ENTHD1: variants seen among roughly 807,000 people sequenced by gnomAD.
The protein encoded by ENTHD1 is ENTH domain containing 1.
A neutral mutation model predicts 39.1 loss-of-function variants in ENTHD1; 23 were observed. That is an observed-to-expected ratio of 0.59 (90% CI 0.42 to 0.83). The LOEUF (loss-of-function observed/expected upper bound fraction) is 0.83, where lower values mean the gene tolerates loss of function less well. ENTHD1 is among the 40% of genes least tolerant of loss of function. The probability of loss-of-function intolerance (pLI) is 0.00; values close to 1 mark genes in which losing one functional copy is unlikely to be tolerated. For missense variants in ENTHD1, 624 were observed against 705.4 expected (o/e 0.88, Z 1.31); for synonymous variants, 230 against 258.2 (o/e 0.89, Z 1.05).
At chr22:39,764,101 C>T (rs2065256483) in intron 6 of ENTHD1, among the ~76,000 whole-genome samples, 1 of 152,132 alleles carries the variant, frequency 6.6e-6, no homozygotes, top group South Asian at 2.1e-4. Context: ...ATTTCTTTAA[C>T]TTCAACATGG....
intron 4 of ENTHD1, 151 bp downstream of exon 4, chr22:39,835,689 C>T (rs2065903092): frequency 2.2e-6 from 1 of 455,222 alleles, no homozygotes; most frequent in Admixed American, 3.6e-5. Flanking sequence ...CTAGGGCCTC[C>T]AGAAAGAACA....
chr22:39,852,143 G>C (rs916987187), intron 3 of ENTHD1, among the ~76,000 whole-genome samples: 1 of 151,828 alleles, frequency 6.6e-6, no homozygotes, highest in African/African-American at 2.4e-5. Context: ...GACCTTCCTG[G>C]GCAACATGGT....
At chr22:39,790,679 G>A (rs1374880490) in intron 5 of ENTHD1, among the ~76,000 whole-genome samples, 2 of 152,112 alleles carry the variant, frequency 1.3e-5, no homozygotes, top group African/African-American at 4.8e-5. Flanking sequence ...TGGTCAGATC[G>A]TCTGTTTCCC....
intron 6 of ENTHD1, among the ~76,000 whole-genome samples, chr22:39,763,070 G>A (rs2065248443): frequency 1.3e-5 from 2 of 152,144 alleles, no homozygotes; most frequent in Non-Finnish European, 2.9e-5. Flanking sequence ...AGGTGAAATA[G>A]GTTTTATTAA....
intron 6 of ENTHD1, among the ~76,000 whole-genome samples, chr22:39,760,136 T>C (rs1010292121): frequency 7.9e-5 from 12 of 152,070 alleles, no homozygotes; most frequent in Non-Finnish European, 1.8e-4. Context: ...GATTTAGAGA[T>C]TTGAAGTAGG....
At chr22:39,882,745 C>G (rs2066348583) in intron 2 of ENTHD1, among the ~76,000 whole-genome samples, 1 of 151,972 alleles carries the variant, frequency 6.6e-6, no homozygotes, top group African/African-American at 2.4e-5. Flanking sequence ...TGGCTCACAC[C>G]TGTAATCCCA....
rs1212010372 is a variant in ENTHD1, at chr22:39,887,869, A to C, written c.-121T>G. The C allele has an allele frequency of 1.6e-6, 1 of 643,278 alleles. No individual in the cohort carries two copies. The highest frequency in any genetic ancestry group is 2.5e-6 in the Non-Finnish European group (1 of 392,848). The allele number at this position is 643,278 out of a possible 1,614,324, so 39.8% of individuals were successfully genotyped here. A position where few individuals can be genotyped will look rare whatever the true frequency, so the allele number is the denominator to read the frequency against. On this transcript the variant is annotated 5_prime_UTR_variant, in exon 2 of 7. Transcript: ENST00000325157. ...CCAGTTCTGCTGCTCCCAAATACAA[A>C]TAATTAATCTCTATGTTGATAAAGT...
intron 4 of ENTHD1, among the ~76,000 whole-genome samples, chr22:39,827,280 G>A (rs1465063836): frequency 6.6e-6 from 1 of 152,118 alleles, no homozygotes; most frequent in African/African-American, 2.4e-5. Flanking sequence ...CTCTCAAAGA[G>A]CTGGGATTAC....
At chr22:39,854,320 T>TA (rs1569168589) in intron 3 of ENTHD1, among the ~76,000 whole-genome samples, 1 of 152,168 alleles carries the variant, frequency 6.6e-6, no homozygotes, top group Non-Finnish European at 1.5e-5. Flanking sequence ...AATGATAGTT[T>TA]TCAGGGAAAT....
intron 5 of ENTHD1, among the ~76,000 whole-genome samples, chr22:39,815,506 T>G (rs776588273): frequency 6.6e-5 from 10 of 151,888 alleles, no homozygotes; most frequent in Non-Finnish European, 1.5e-4. Flanking sequence ...AGACTGGATT[T>G]TTCTAGGGGA....
intron 2 of ENTHD1, among the ~76,000 whole-genome samples, chr22:39,882,726 T>C (rs2066348358): frequency 6.6e-6 from 1 of 152,024 alleles, no homozygotes; most frequent in African/African-American, 2.4e-5. Flanking sequence ...CAAAGAGGGC[T>C]GGGCACGGTG....
chr22:39,758,329 T>C (rs1361674847), intron 6 of ENTHD1, among the ~76,000 whole-genome samples: 1 of 152,238 alleles, frequency 6.6e-6, no homozygotes, highest in African/African-American at 2.4e-5. Flanking sequence ...ACAGCAGCCA[T>C]CCTTTCTTTG....
At chr22:39,877,031 G>C (rs1164300841) in intron 2 of ENTHD1, among the ~76,000 whole-genome samples, 1 of 152,188 alleles carries the variant, frequency 6.6e-6, no homozygotes, top group Non-Finnish European at 1.5e-5. Flanking sequence ...GCATAAAAGA[G>C]AGAATGTCAG....
chr22:39,803,734 T>C (rs1238529536), intron 5 of ENTHD1, among the ~76,000 whole-genome samples: 1 of 152,188 alleles, frequency 6.6e-6, no homozygotes, highest in Non-Finnish European at 1.5e-5. Context: ...ATTTACTAAG[T>C]TGGGGTCTAG....
chr22:39,798,180 G>A (rs2065566276), intron 5 of ENTHD1, among the ~76,000 whole-genome samples: 1 of 151,872 alleles, frequency 6.6e-6, no homozygotes, highest in Non-Finnish European at 1.5e-5. Flanking sequence ...TATTTCAAAA[G>A]ACATCTTCAT....
At chr22:39,809,597 A>G (rs981458369) in intron 5 of ENTHD1, among the ~76,000 whole-genome samples, 2 of 152,222 alleles carry the variant, frequency 1.3e-5, no homozygotes, top group Non-Finnish European at 2.9e-5. Flanking sequence ...GGATGGATCT[A>G]TTACATACAA....
chr22:39,821,751 G>A (rs1841416878), intron 4 of ENTHD1, among the ~76,000 whole-genome samples: 1 of 152,090 alleles, frequency 6.6e-6, no homozygotes, highest in Admixed American at 6.5e-5. Flanking sequence ...TTACAGTTTG[G>A]GAGGTTAGCA....
chr22:39,826,126 G>C (rs11914259), intron 4 of ENTHD1, among the ~76,000 whole-genome samples: 7 of 152,036 alleles, frequency 4.6e-5, no homozygotes, highest in Non-Finnish European at 1.0e-4. Context: ...CAAGTGATCC[G>C]CCTGCCTCGG....
At chr22:39,797,400 T>C (rs1321203241) in intron 5 of ENTHD1, among the ~76,000 whole-genome samples, 1 of 152,246 alleles carries the variant, frequency 6.6e-6, no homozygotes, top group Non-Finnish European at 1.5e-5. Flanking sequence ...TTTGTCTTTT[T>C]GTTAATTGTT....
Sources: allele counts gnomAD v4.1 joint callset (sites outside exome capture counted in the v4.1 genomes callset), GRCh38; gene constraint gnomAD v4.1.1; transcripts MANE v1.5; gene names NCBI Gene and HGNC (gene_info 2026-07-23, HGNC 2026-07-21).